The following TNNT3 variants were observed in gnomAD, a reference collection of about 807,000 sequenced individuals.
TNNT3 encodes troponin T, fast skeletal muscle.
A neutral mutation model predicts 54.2 loss-of-function variants in TNNT3; 36 were observed. That is an observed-to-expected ratio of 0.66 (90% CI 0.51 to 0.88). The LOEUF (loss-of-function observed/expected upper bound fraction) is 0.88, where lower values mean the gene tolerates loss of function less well. Ranked by LOEUF, TNNT3 falls within the 40% of genes least tolerant of loss-of-function variation. The pLI, the probability that TNNT3 is intolerant of heterozygous loss-of-function variation, is 0.00. For synonymous variants in TNNT3, 120 were observed against 109.7 expected, an observed-to-expected ratio of 1.09 and a Z score of -0.59; for missense variants, 291 against 331.6, an observed-to-expected ratio of 0.88 and a Z score of 0.95.
intron 15 of TNNT3, 62 bp from the exon 16 acceptor site, chr11:1,938,376 G>A (rs544346564): frequency 6.3e-7 from 1 of 1,581,498 alleles, no homozygotes; most frequent in Admixed American, 1.7e-5. Flanking sequence ...CCAGGGTGGG[G>A]GACCAGGAGG....
intron 1 of TNNT3, among the ~76,000 whole-genome samples, chr11:1,920,739 C>A (rs2133205853): frequency 6.6e-6 from 1 of 152,272 alleles, no homozygotes; most frequent in African/African-American, 2.4e-5. Context: ...TATTTTCACG[C>A]AGCCCCTCCA....
At chr11:1,934,806 C>G (rs900926967) in intron 13 of TNNT3, 23 bp from the exon 14 acceptor site, 3 of 1,611,372 alleles carry the variant, frequency 1.9e-6, no homozygotes, top group South Asian at 1.1e-5. Context: ...TTCAACGAAG[C>G]CTCACCACTT....
At chr11:1,928,894 A>C in intron 6 of TNNT3, 4 of 596,028 alleles carry the variant, frequency 6.7e-6, no homozygotes, top group African/African-American at 1.9e-5. Flanking sequence ...TCTTCCAGGC[A>C]GGAGCTCCAC....
Position 1,923,610 on chromosome 11 carries a change from C to T in TNNT3, c.49+38C>T, listed in dbSNP as rs764062440. On this transcript the variant is annotated intron_variant, in intron 4 of 15. Coordinates refer to ENST00000278317, the MANE Select transcript of TNNT3 (RefSeq NM_006757.4). ...ACCACCGGAAGCCCCCCCAGCCCCT[C>T]CTTGGAACTTAACCCCCCTCTCCCG... 7 of 1,358,774 alleles carry T rather than the reference C, an allele frequency of 5.2e-6. 1 individual carries two copies. The Admixed American group carries it at 1.3e-4, about 25-fold the overall frequency. 84.2% of individuals were successfully genotyped at this position (1,358,774 alleles called of 1,614,324 possible).
At chr11:1,923,371 A>G (rs1274385307) in intron 3 of TNNT3, among the ~76,000 whole-genome samples, 184 bp from the exon 4 acceptor site, 2 of 151,186 alleles carry the variant, frequency 1.3e-5, no homozygotes, top group Non-Finnish European at 3.0e-5. Flanking sequence ...AGCCACCATC[A>G]TCACCAGAGC....
chr11:1,926,491 T>G (rs758754864), intron 5 of TNNT3: 2 of 1,613,220 alleles, frequency 1.2e-6, no homozygotes, highest in Non-Finnish European at 1.7e-6. Context: ...GGTACGTGCA[T>G]GACTTCGATG....
intron 15 of TNNT3, among the ~76,000 whole-genome samples, chr11:1,937,271 C>T (rs931037589): frequency 2.0e-5 from 3 of 152,086 alleles, no homozygotes; most frequent in African/African-American, 7.2e-5. Flanking sequence ...GCCCTCGCCC[C>T]GAGTCTGGCA....
chr11:1,920,965 T>G (rs1849970243), intron 1 of TNNT3, among the ~76,000 whole-genome samples: 1 of 151,700 alleles, frequency 6.6e-6, no homozygotes, highest in African/African-American at 2.4e-5. Flanking sequence ...ACTTGGAGAG[T>G]GGGCCTTTCC....
chr11:1,937,819 G>A (rs983928236), intron 15 of TNNT3, among the ~76,000 whole-genome samples: 1 of 152,186 alleles, frequency 6.6e-6, no homozygotes, highest in South Asian at 2.1e-4. Flanking sequence ...GTGGGCAGTC[G>A]GCGTGGTGTG....
At chr11:1,921,179 T>C (rs1264230255) in intron 1 of TNNT3, among the ~76,000 whole-genome samples, 1 of 152,172 alleles carries the variant, frequency 6.6e-6, no homozygotes. Context: ...AGAAACGTCT[T>C]GCCTATTTCT....
chr11:1,926,713 C>A lies in TNNT3; in HGVS notation c.82+4C>A, dbSNP rs368931614. On this transcript the variant is annotated splice_donor_region_variant and intron_variant, in intron 6 of 15. Coordinates refer to ENST00000278317, the MANE Select transcript of TNNT3 (RefSeq NM_006757.4). Reference sequence around the variant, plus strand: ...TCTGCAGAGGAAGTTCAAGAAGGTACGCCGGCGCTCCCCCGCCTCCAGGCC... The same window carrying A: ...TCTGCAGAGGAAGTTCAAGAAGGTAAGCCGGCGCTCCCCCGCCTCCAGGCC... 3 of 1,613,252 alleles carry A rather than the reference C, an allele frequency of 1.9e-6. No homozygotes were observed. The highest frequency in any genetic ancestry group is 1.3e-5 in the African/African-American group (1 of 75,060).
chr11:1,937,024 C>A, intron 15 of TNNT3, 21 bp downstream of exon 15: 1 of 1,582,438 alleles, frequency 6.3e-7, no homozygotes, highest in Non-Finnish European at 8.6e-7. Context: ...CTGCCGTCCT[C>A]GCTCCGCACT....
At chr11:1,922,811 T>C in intron 1 of TNNT3, 46 bp from the exon 2 acceptor site, 1 of 1,588,164 alleles carries the variant, frequency 6.3e-7, no homozygotes, top group Non-Finnish European at 8.6e-7. Flanking sequence ...CTCGTAACTC[T>C]CTTTCCATCC....
chr11:1,925,137 C>T (rs535781304), intron 5 of TNNT3, 21 bp downstream of exon 5: 23 of 1,611,656 alleles, frequency 1.4e-5, no homozygotes, highest in African/African-American at 5.3e-5. Context: ...TCCAAGGCCC[C>T]GGCCCCCATG....
chr11:1,920,637 C>A (rs76458215), intron 1 of TNNT3, among the ~76,000 whole-genome samples: 8 of 152,130 alleles, frequency 5.3e-5, no homozygotes, highest in African/African-American at 1.9e-4. Flanking sequence ...CAAGGGGCAG[C>A]GGCTTTTGCC....
intron 4 of TNNT3, chr11:1,924,808 G>A (rs1851055435): frequency 1.7e-6 from 1 of 589,404 alleles, no homozygotes; most frequent in Admixed American, 3.0e-5. Context: ...TCCAGGCATG[G>A]GAATACCAGG....
At position 1,938,586 on chromosome 11, in the gene TNNT3, C is replaced by A; in HGVS notation, c.*94C>A. The A allele has an allele frequency of 7.6e-7, 1 of 1,317,734 alleles. No homozygotes were observed. Among genetic ancestry groups the A allele is most frequent in the Non-Finnish European group, 1.1e-6 (1 of 927,732 alleles). 81.6% of individuals were successfully genotyped at this position (1,317,734 alleles called of 1,614,324 possible). A position where few individuals can be genotyped will look rare whatever the true frequency, so the allele number is the denominator to read the frequency against. The stretch of plus-strand genomic sequence containing the variant: ...TCCACATCCTCCAGCCCCCACAATC[C>A]TGTCAGGGGCTCCCTGACAGTCCTG... On this transcript the variant is annotated 3_prime_UTR_variant, in exon 16 of 16. Transcript: ENST00000278317.
intron 8 of TNNT3, among the ~76,000 whole-genome samples, chr11:1,930,990 TC>T (rs1379068029): frequency 6.6e-6 from 1 of 152,254 alleles, no homozygotes; most frequent in African/African-American, 2.4e-5. Flanking sequence ...CTTCCTTTTT[TC>T]CATGCATAGC....
intron 15 of TNNT3, among the ~76,000 whole-genome samples, 171 bp downstream of exon 15, chr11:1,937,174 C>T (rs939004022): frequency 3.3e-5 from 5 of 152,128 alleles, no homozygotes; most frequent in South Asian, 2.1e-4. Flanking sequence ...GCCAGGGACC[C>T]GGAGCCTCCT....
Sources: gnomAD v4.1 joint callset for allele counts (sites outside exome capture counted in the v4.1 genomes callset) on GRCh38, gnomAD v4.1.1 for gene constraint, MANE v1.5 for transcripts, NCBI Gene and HGNC (gene_info 2026-07-23, HGNC 2026-07-21) for gene names.